MED1: variants seen among roughly 807,000 people sequenced by gnomAD.
The protein encoded by MED1 is mediator of RNA polymerase II transcription subunit 1.
In MED1, 17 loss-of-function variants were observed where a neutral mutation model predicts 121.3. The observed-to-expected ratio is 0.14, with a 90% confidence interval of 0.10 to 0.21. The LOEUF is 0.21. Among genes scored for constraint, MED1 ranks in the 10% least tolerant of loss-of-function variants. The pLI is 1.00. For missense variants in MED1, 1,558 were observed against 1,919.4 expected (o/e 0.81, Z 3.52); for synonymous variants, 661 against 694.4 (o/e 0.95, Z 0.76).
Position 39,440,690 on chromosome 17 carries a change from GA to G in MED1, c.212-14del. ...GGTAAAGATGTTACTATAAAAGGAT[GA>G]AAAAAGGAGTCACAAAGAATGCTCC... is the stretch of plus-strand genomic sequence containing the variant. On this transcript the variant is annotated splice_polypyrimidine_tract_variant and intron_variant, in intron 3 of 16. Transcript: ENST00000300651. The surrounding 1 kb of genome is among the most constrained non-coding windows in gnomAD (Gnocchi z 4.1). 6.2e-7 allele frequency: 1 copy of G among 1,603,428 alleles called. No homozygotes were observed. The highest frequency in any genetic ancestry group is 1.7e-5 in the Admixed American group (1 of 58,098).
chr17:39,444,508 A>C (rs193025547), intron 2 of MED1, among the ~76,000 whole-genome samples: 131 of 151,664 alleles, frequency 8.6e-4, no homozygotes, highest in African/African-American at 2.9e-3. Flanking sequence ...TCTGTCTCAA[A>C]AAAAAAAAGA....
At position 39,405,567 on chromosome 17, in the gene MED1, A is replaced by G; in HGVS notation, c.*1908T>C. 7.6e-7 allele frequency: 1 copy of G among 1,314,354 alleles called. No homozygotes were observed. Among genetic ancestry groups the G allele is most frequent in the Non-Finnish European group, 9.7e-7 (1 of 1,029,258 alleles). The allele number at this position is 1,314,354 out of a possible 1,614,324, so 81.4% of individuals were successfully genotyped here. A position where few individuals can be genotyped will look rare whatever the true frequency, so the allele number is the denominator to read the frequency against. On this transcript the variant is annotated 3_prime_UTR_variant, in exon 17 of 17. Coordinates refer to ENST00000300651, the MANE Select transcript of MED1 (RefSeq NM_004774.4). ...TGTCTGAGAGGCTGCTACTGTATCA[A>G]CATCACAAGATAAAGCACTCTGGTA... is the stretch of plus-strand genomic sequence containing the variant.
chr17:39,426,487 G>A (rs1426749212), intron 10 of MED1, among the ~76,000 whole-genome samples: 1 of 152,090 alleles, frequency 6.6e-6, no homozygotes, highest in Non-Finnish European at 1.5e-5. Context: ...ACAATAAAGG[G>A]ATGGAGTCAA....
intron 1 of MED1, 137 bp downstream of exon 1, chr17:39,450,901 C>G: frequency 1.5e-6 from 1 of 686,546 alleles, no homozygotes; most frequent in Non-Finnish European, 2.5e-6. Context: ...TAGTGACAAT[C>G]TAAAACTAAT....
At position 39,405,810 on chromosome 17, in the gene MED1, A is replaced by G. The variant is rs979853653; in HGVS notation, c.*1665T>C. The G allele has an allele frequency of 5.4e-5, 53 of 986,168 alleles. No individual in the cohort carries two copies. The highest frequency in any genetic ancestry group is 6.3e-5 in the Non-Finnish European group (52 of 830,398). 61.1% of individuals were successfully genotyped at this position (986,168 alleles called of 1,614,324 possible). A position where few individuals can be genotyped will look rare whatever the true frequency, so the allele number is the denominator to read the frequency against. On this transcript the variant is annotated 3_prime_UTR_variant, in exon 17 of 17. Coordinates refer to ENST00000300651, the MANE Select transcript of MED1 (RefSeq NM_004774.4). ...AAGCCAAAGCTGATTTTCCAACTCT[A>G]TGCTGACTCCAACCTGCAGAAAAAG...
In MED1 at chr17:39,443,598, G is replaced by T; in HGVS notation, c.163C>A (p.His55Asn). 6.2e-7 allele frequency: 1 copy of T among 1,613,938 alleles called. No individual in the cohort carries two copies. Among genetic ancestry groups the T allele is most frequent in the Non-Finnish European group, 8.5e-7 (1 of 1,179,932 alleles). Residue 55 changes from histidine (H) to asparagine (N), a missense_variant, in exon 3 of 17, where the codon CAT (histidine) becomes AAT (asparagine). Around this residue, in one of 5 missense-constraint regions of MED1, gnomAD observed 443 missense variants for 532.4 expected, o/e 0.83. Coordinates refer to ENST00000300651, the MANE Select transcript of MED1 (RefSeq NM_004774.4). ...EKRVVMSSGG[H>N]QHLVSCLETL... ...TCCAAACAGCTGACCAAATGTTGAT[G>T]CCCTCCAGAACTCATCACAACCCTC...
rs780339881 is a variant in MED1, at chr17:39,409,614, T to C, written c.2607A>G (p.Leu869=). ...FHDGVDFNPD[L]LNSQSQSGFG... ...AACCACTTTGGCTCTGGCTGTTCAA[T>C]AAATCAGGATTGAAATCTACTCCAT... Residue 869 remains leucine, a synonymous_variant, in exon 17 of 17, where the codon TTA becomes TTG. Transcript: ENST00000300651. 29 of 1,614,056 alleles carry C rather than the reference T, an allele frequency of 1.8e-5. No individual in the cohort carries two copies. Among genetic ancestry groups the C allele is most frequent in the Non-Finnish European group, 1.4e-5 (17 of 1,180,032 alleles).
In MED1 at chr17:39,407,141, G is replaced by A; in HGVS notation, c.*334C>T. 2.0e-6 allele frequency: 2 copies of A among 1,011,484 alleles called. No individual in the cohort carries two copies. Among genetic ancestry groups the A allele is most frequent in the South Asian group, 9.1e-5 (2 of 21,980 alleles). The allele number at this position is 1,011,484 out of a possible 1,614,324, so 62.7% of individuals were successfully genotyped here. A position where few individuals can be genotyped will look rare whatever the true frequency, so the allele number is the denominator to read the frequency against. ...GGCCTAAAAATGGAAAAAGGGAGAA[G>A]AAAATATATATGAATATTTCCCACA... On this transcript the variant is annotated 3_prime_UTR_variant, in exon 17 of 17. Coordinates refer to ENST00000300651, the MANE Select transcript of MED1 (RefSeq NM_004774.4).
At chr17:39,414,019 G>A (rs1224623737) in intron 16 of MED1, among the ~76,000 whole-genome samples, 1 of 151,128 alleles carries the variant, frequency 6.6e-6, no homozygotes, top group African/African-American at 2.4e-5. Flanking sequence ...CTGAGGTCAG[G>A]AGTTCGAGAC....
chr17:39,449,089 G>A, intron 1 of MED1, among the ~76,000 whole-genome samples: 1 of 151,480 alleles, frequency 6.6e-6, no homozygotes. Context: ...CAGCTTGAGT[G>A]CACTGGCACA....
rs1420957213 is a variant in MED1 at position 39,410,032 on chromosome 17, G to A, written c.2189C>T (p.Ala730Val). 6.2e-7 allele frequency: 1 copy of A among 1,614,040 alleles called. No individual in the cohort carries two copies. The highest frequency in any genetic ancestry group is 1.1e-5 in the South Asian group (1 of 91,088). The change falls in exon 17 of 17, where the codon GCT becomes GTT. Residue 730 changes from alanine to valine, a missense_variant. Ala to Val is a moderately conservative substitution (Grantham distance 64). Transcript: ENST00000300651. ...QNPIFDVNMT[A>V]DTLDTPHITP... ...GATGTGTGGCGTATCCAGCGTGTCA[G>A]CTGTCATGTTGACATCAAAGATAGG...
At chr17:39,421,641 G>A (rs2144734812) in intron 13 of MED1, among the ~76,000 whole-genome samples, 1 of 152,154 alleles carries the variant, frequency 6.6e-6, no homozygotes, top group Middle Eastern at 3.4e-3. Context: ...GCCTTGCCTT[G>A]GCCTCCCAAA....
intron 9 of MED1, among the ~76,000 whole-genome samples, chr17:39,428,043 T>C (rs1351373219): frequency 6.6e-6 from 1 of 151,904 alleles, no homozygotes; most frequent in Non-Finnish European, 1.5e-5. Context: ...ACAGTCAGAC[T>C]CCACCTCTAA....
In MED1 at chr17:39,432,101, G is replaced by A. The variant is rs1054023860; in HGVS notation, c.501-85C>T. 3.4e-5 allele frequency: 32 copies of A among 935,282 alleles called. 1 individual carries two copies. Among genetic ancestry groups the A allele is most frequent in the Non-Finnish European group, 5.3e-5 (31 of 587,586 alleles). 57.9% of individuals were successfully genotyped at this position (935,282 alleles called of 1,614,324 possible). The stretch of plus-strand genomic sequence containing the variant: ...GCTCAGCCTGTAATCCCAGCACCTT[G>A]GGAGGCTGAGGCGGGCAGATCACCT... On this transcript the variant is annotated intron_variant, in intron 7 of 16. Transcript: ENST00000300651.
chr17:39,440,598 T>C lies in MED1; in HGVS notation c.266+25A>G. 6.2e-7 allele frequency: 1 copy of C among 1,612,556 alleles called. No individual in the cohort carries two copies. The highest frequency in any genetic ancestry group is 2.2e-5 in the East Asian group (1 of 44,870). On this transcript the variant is annotated intron_variant, in intron 4 of 16. Transcript: ENST00000300651. This position sits in a 1 kb window ranked among gnomAD's most constrained non-coding sequence, Gnocchi z 4.1. ...CCAAAGTTAACACTAAGTTAAACAT[T>C]TCTGCCTACAGAAAGACTACTTACC...
At chr17:39,413,000 T>C (rs2048371008) in intron 16 of MED1, among the ~76,000 whole-genome samples, 1 of 152,194 alleles carries the variant, frequency 6.6e-6, no homozygotes, top group Non-Finnish European at 1.5e-5. Flanking sequence ...GACCCAGCTG[T>C]AGAAAAATCT....
chr17:39,433,428 G>A (rs1414673623), intron 7 of MED1, among the ~76,000 whole-genome samples: 1 of 151,160 alleles, frequency 6.6e-6, no homozygotes, highest in Non-Finnish European at 1.5e-5. Context: ...GACCTCAGGT[G>A]GTCCACCCAC....
chr17:39,441,509 C>T (rs554788185), intron 3 of MED1, among the ~76,000 whole-genome samples: 6 of 152,334 alleles, frequency 3.9e-5, no homozygotes, highest in South Asian at 2.1e-4. Context: ...CGGTGGCTGA[C>T]GCCTGTAATC....
intron 9 of MED1, among the ~76,000 whole-genome samples, chr17:39,429,191 A>G (rs941746618): frequency 6.6e-6 from 1 of 151,698 alleles, no homozygotes; most frequent in African/African-American, 2.4e-5. Context: ...ATCTCTAAAA[A>G]AATTGTTAAA....
Sources: allele counts gnomAD v4.1 joint callset (sites outside exome capture counted in the v4.1 genomes callset), GRCh38; gene constraint gnomAD v4.1.1; regional missense constraint gnomAD v4.1.1; non-coding constraint Gnocchi (gnomAD v3.1); transcripts MANE v1.5; gene names NCBI Gene and HGNC (gene_info 2026-07-23, HGNC 2026-07-21).